The following EPHA4 variants were observed in gnomAD, a reference collection of about 807,000 sequenced individuals.
The protein encoded by EPHA4 is EPH receptor A4.
In EPHA4, 19 loss-of-function variants were observed where a neutral mutation model predicts 108.3. That is an observed-to-expected ratio of 0.18 (90% CI 0.12 to 0.26). EPHA4 has a LOEUF of 0.26. Ranked by LOEUF, EPHA4 falls within the 10% of genes least tolerant of loss-of-function variation. The pLI is 1.00. For synonymous variants in EPHA4, 449 were observed against 455.5 expected (o/e 0.99, Z 0.18); for missense variants, 917 against 1,254.0 (o/e 0.73, Z 4.06).
intron 3 of EPHA4, among the ~76,000 whole-genome samples, chr2:221,502,006 C>T (rs1386974727): frequency 6.6e-6 from 1 of 152,066 alleles, no homozygotes; most frequent in East Asian, 1.9e-4. Context: ...CACACACCTC[C>T]CGAGAGCCTG....
At chr2:221,548,408 C>T (rs1694065878) in intron 3 of EPHA4, among the ~76,000 whole-genome samples, 1 of 152,072 alleles carries the variant, frequency 6.6e-6, no homozygotes, top group African/African-American at 2.4e-5. Flanking sequence ...CTCTCTCACT[C>T]CCACTCTCAC....
intron 5 of EPHA4, among the ~76,000 whole-genome samples, chr2:221,480,318 T>C (rs1691781631): frequency 6.6e-6 from 1 of 152,128 alleles, no homozygotes; most frequent in Admixed American, 6.5e-5. Flanking sequence ...CCATCCCTAC[T>C]TATAATTCGG....
intron 5 of EPHA4, among the ~76,000 whole-genome samples, chr2:221,462,573 A>T (rs1691182198): frequency 6.6e-6 from 1 of 152,050 alleles, no homozygotes; most frequent in Non-Finnish European, 1.5e-5. Flanking sequence ...CATTTTCTAA[A>T]CATAAAGTAC....
intron 2 of EPHA4, among the ~76,000 whole-genome samples, chr2:221,566,872 A>AAGAAGAAGAAGAAGG (rs1553595907): frequency 3.6e-4 from 15 of 41,604 alleles, no homozygotes; most frequent in Middle Eastern, 0.011. Context: ...GAAGAAGAAG[A>AAGAAGAAGAAGAAGG]AGAAGGAGAA....
At chr2:221,479,485 T>A (rs1691755783) in intron 5 of EPHA4, among the ~76,000 whole-genome samples, 1 of 152,230 alleles carries the variant, frequency 6.6e-6, no homozygotes, top group South Asian at 2.1e-4. Context: ...CGTTCATTAA[T>A]TCTATGTATT....
chr2:221,489,852 T>C (rs919719702), intron 4 of EPHA4, among the ~76,000 whole-genome samples: 2 of 152,104 alleles, frequency 1.3e-5, no homozygotes, highest in African/African-American at 4.8e-5. Context: ...ATCACTACCA[T>C]AGCACTATGG....
intron 5 of EPHA4, among the ~76,000 whole-genome samples, chr2:221,477,427 A>C (rs1436914595): frequency 1.3e-5 from 2 of 152,192 alleles, no homozygotes; most frequent in Non-Finnish European, 2.9e-5. Flanking sequence ...TTTGGACCAG[A>C]AAATTCTTCA....
At chr2:221,532,066 A>T (rs1199153624) in intron 3 of EPHA4, among the ~76,000 whole-genome samples, 2 of 152,080 alleles carry the variant, frequency 1.3e-5, no homozygotes, top group East Asian at 3.9e-4. Context: ...ATATGCTGGG[A>T]TGTTTGAAAA....
chr2:221,452,933 A>G (rs1231526110), intron 8 of EPHA4, among the ~76,000 whole-genome samples: 3 of 152,242 alleles, frequency 2.0e-5, no homozygotes, highest in Non-Finnish European at 2.9e-5. Flanking sequence ...GTCTCCCCGC[A>G]TTACATTTTC....
chr2:221,482,079 A>AT (rs915346788), intron 5 of EPHA4, among the ~76,000 whole-genome samples: 6 of 151,544 alleles, frequency 4.0e-5, no homozygotes, highest in South Asian at 2.1e-4. Context: ...TAATTTTTGT[A>AT]TTTTTTTTGT....
chr2:221,498,192 T>C (rs187473334), intron 4 of EPHA4, among the ~76,000 whole-genome samples: 190 of 152,174 alleles, frequency 1.2e-3, no homozygotes, highest in African/African-American at 4.5e-3. Flanking sequence ...GACTGAAAAA[T>C]ACCTGGGAGA....
chr2:221,446,535 G>A (rs1690598776), intron 8 of EPHA4, among the ~76,000 whole-genome samples: 1 of 151,892 alleles, frequency 6.6e-6, no homozygotes, highest in African/African-American at 2.4e-5. Flanking sequence ...AAATATACAT[G>A]TGTATATATA....
intron 5 of EPHA4, among the ~76,000 whole-genome samples, chr2:221,459,203 T>C (rs914336831): frequency 2.0e-5 from 3 of 152,048 alleles, no homozygotes; most frequent in African/African-American, 7.2e-5. Flanking sequence ...AAGGGAGTCT[T>C]CCAGCTAAAT....
chr2:221,547,265 A>T (rs1404584716), intron 3 of EPHA4, among the ~76,000 whole-genome samples: 2 of 152,236 alleles, frequency 1.3e-5, no homozygotes, highest in Non-Finnish European at 2.9e-5. Context: ...CAACATTTAG[A>T]TTATTAAAAG....
chr2:221,455,765 G>A (rs1690928578), intron 7 of EPHA4, 107 bp from the exon 8 acceptor site: 1 of 764,804 alleles, frequency 1.3e-6, no homozygotes, highest in Non-Finnish European at 2.2e-6. Flanking sequence ...GAGAGAGAAA[G>A]ACACTTGAAC....
At chr2:221,427,095 A>G (rs1689934327) in intron 15 of EPHA4, among the ~76,000 whole-genome samples, 1 of 152,218 alleles carries the variant, frequency 6.6e-6, no homozygotes, top group South Asian at 2.1e-4. Context: ...GAAAACAGCA[A>G]GAATTCAAGT....
chr2:221,523,010 G>T (rs948351120), intron 3 of EPHA4, among the ~76,000 whole-genome samples: 7 of 152,068 alleles, frequency 4.6e-5, no homozygotes, highest in African/African-American at 1.7e-4. Flanking sequence ...TGATCCGCCT[G>T]CGTCGGCCTC....
intron 3 of EPHA4, among the ~76,000 whole-genome samples, chr2:221,528,183 C>A (rs1693400073): frequency 6.6e-6 from 1 of 152,224 alleles, no homozygotes; most frequent in Admixed American, 6.5e-5. Context: ...GTCTGATAAG[C>A]GTCTCTTAGG....
intron 8 of EPHA4, among the ~76,000 whole-genome samples, chr2:221,449,668 G>A (rs1690709450): frequency 6.6e-6 from 1 of 152,184 alleles, no homozygotes; most frequent in Admixed American, 6.5e-5. Flanking sequence ...CCAACGTGCT[G>A]TTCCTGGCAC....
Sources: gnomAD v4.1 joint callset for allele counts (sites outside exome capture counted in the v4.1 genomes callset) on GRCh38, gnomAD v4.1.1 for gene constraint, MANE v1.5 for transcripts, NCBI Gene and HGNC (gene_info 2026-07-23, HGNC 2026-07-21) for gene names.